The following XPO7 variants were observed in gnomAD, a reference collection of about 807,000 sequenced individuals.
XPO7 encodes the protein exportin-7.
A neutral mutation model predicts 144.3 loss-of-function variants in XPO7; 21 were observed. That is an observed-to-expected ratio of 0.15 (90% CI 0.10 to 0.21). The LOEUF is 0.21. XPO7 is among the 10% of genes least tolerant of loss of function. The probability of loss-of-function intolerance (pLI) is 1.00; values close to 1 mark genes in which losing one functional copy is unlikely to be tolerated. For synonymous variants in XPO7, 580 were observed against 499.6 expected (o/e 1.16, Z -2.15); for missense variants, 808 against 1,325.8 (o/e 0.61, Z 6.06).
At chr8:21,995,412 GC>G in intron 20 of XPO7, 79 bp from the exon 21 acceptor site, 1 of 1,213,380 alleles carries the variant, frequency 8.2e-7, no homozygotes, top group African/African-American at 1.5e-5. Context: ...ACAAGTTTTT[GC>G]TTGGCTAGTG....
intron 10 of XPO7, 90 bp from the exon 11 acceptor site, chr8:21,982,550 G>T: frequency 7.3e-7 from 1 of 1,361,490 alleles, no homozygotes. Context: ...TTAAAAAAAA[G>T]AAAAAAGTCT....
rs557734879 is a variant in XPO7, at chr8:21,991,497, G to A, written c.2042-371G>A. Among the ~76,000 whole-genome samples the A allele has an allele frequency of 6.6e-5, 10 of 152,266 alleles. No individual in the cohort carries two copies. In the East Asian group the frequency reaches 1.2e-3, roughly 18 times the overall value. On this transcript the variant is annotated intron_variant, in intron 18 of 27. Transcript: ENST00000252512. ...AAAATTAAGTGTGAATGAAACCTCC[G>A]TACCCATTAAAGTTTGAGTCTCATC...
At chr8:22,001,072 TG>T (rs1342876908) in intron 24 of XPO7, among the ~76,000 whole-genome samples, 2 of 152,028 alleles carry the variant, frequency 1.3e-5, no homozygotes, top group African/African-American at 4.8e-5. Flanking sequence ...CCCAGCACTT[TG>T]GGAGGCTGAG....
chr8:21,978,582 G>T (rs1359052496), intron 8 of XPO7, among the ~76,000 whole-genome samples: 4 of 152,156 alleles, frequency 2.6e-5, no homozygotes, highest in African/African-American at 7.2e-5. Flanking sequence ...TGCAAGAAAA[G>T]GTAGCACAGT....
intron 20 of XPO7, 102 bp downstream of exon 20, chr8:21,994,553 G>C: frequency 1.8e-6 from 2 of 1,101,560 alleles, no homozygotes; most frequent in South Asian, 2.7e-5. Context: ...AGGGTAGTGA[G>C]GCAGAGAAGA....
At chr8:21,998,657 A>G (rs914581894) in intron 21 of XPO7, 98 bp from the exon 22 acceptor site, 2 of 938,736 alleles carry the variant, frequency 2.1e-6, no homozygotes, top group African/African-American at 3.3e-5. Context: ...CTTAATGTAA[A>G]TGCAGGATCA....
chr8:21,986,687 C>T (rs1812590106), intron 13 of XPO7, among the ~76,000 whole-genome samples: 1 of 152,184 alleles, frequency 6.6e-6, no homozygotes, highest in South Asian at 2.1e-4. Context: ...TTAGTTCAAA[C>T]AATGTCTTGC....
chr8:21,981,582 T>G lies in XPO7; in HGVS notation c.958-149T>G, dbSNP rs2306643. ...TTTAAAAAATTGTTTCTGAACATTATGCAGACGTATCATTCTGAATCATGA... is the reference window on the plus strand; with the variant it reads ...TTTAAAAAATTGTTTCTGAACATTAGGCAGACGTATCATTCTGAATCATGA... On this transcript the variant is annotated intron_variant, in intron 9 of 27. Coordinates refer to ENST00000252512, the MANE Select transcript of XPO7 (RefSeq NM_015024.5). 132,246 of 912,948 alleles carry G rather than the reference T, an allele frequency of 0.14. 13,417 individuals carry two copies. Among genetic ancestry groups the G allele is most frequent in the African/African-American group, 0.45 (26,774 of 59,912 alleles). The allele number at this position is 912,948 out of a possible 1,614,324, so 56.6% of individuals were successfully genotyped here.
chr8:21,978,247 AATTTGCAT>A (rs1812290748), intron 8 of XPO7, among the ~76,000 whole-genome samples: 1 of 152,232 alleles, frequency 6.6e-6, no homozygotes, highest in African/African-American at 2.4e-5. Flanking sequence ...TGAGAAGGCT[AATTTGCAT>A]ACTTACCCTG....
chr8:21,944,022 C>G (rs998737722), intron 1 of XPO7, among the ~76,000 whole-genome samples: 1 of 151,926 alleles, frequency 6.6e-6, no homozygotes, highest in African/African-American at 2.4e-5. Flanking sequence ...CTCTGAATAC[C>G]CTCATATACA....
chr8:21,969,386 G>A (rs1423049849), intron 2 of XPO7, 97 bp from the exon 3 acceptor site: 5 of 1,032,170 alleles, frequency 4.8e-6, no homozygotes, highest in Non-Finnish European at 7.2e-6. Context: ...AAAACTGATT[G>A]CCTTTTCTTG....
At chr8:21,990,970 AT>A in intron 18 of XPO7, 51 bp downstream of exon 18, 1 of 1,545,460 alleles carries the variant, frequency 6.5e-7, no homozygotes, top group Non-Finnish European at 8.9e-7. Context: ...ACTCTTCTAA[AT>A]TTTTATTTGA....
At chr8:21,927,478 A>G (rs4872110) in intron 1 of XPO7, among the ~76,000 whole-genome samples, 88,828 of 150,592 alleles carry the variant, frequency 0.59, 26,844 homozygotes, top group African/African-American at 0.73. Context: ...GAGGTTCCCA[A>G]AGGCACATTT....
chr8:21,953,023 C>G (rs866447904), intron 1 of XPO7, among the ~76,000 whole-genome samples: 4 of 151,142 alleles, frequency 2.6e-5, no homozygotes, highest in Non-Finnish European at 4.4e-5. Context: ...CCCTCCCCCT[C>G]TCTCCCCACC....
intron 24 of XPO7, among the ~76,000 whole-genome samples, chr8:22,000,972 A>G (rs1813121395): frequency 6.6e-6 from 1 of 152,146 alleles, no homozygotes; most frequent in Non-Finnish European, 1.5e-5. Context: ...CGTATCTAGT[A>G]CAGTCCAATC....
chr8:21,982,141 A>C (rs1812427538), intron 10 of XPO7, among the ~76,000 whole-genome samples: 1 of 152,190 alleles, frequency 6.6e-6, no homozygotes. Flanking sequence ...CAAAAAAGCC[A>C]AGGTCGGAAC....
chr8:21,993,280 T>C lies in XPO7; in HGVS notation c.2149-1083T>C, dbSNP rs140954404. 3.0e-3 allele frequency among the ~76,000 whole-genome samples: 459 copies of C among 152,342 alleles called. 2 individuals carry two copies. The highest frequency in any genetic ancestry group is 0.01 in the African/African-American group (433 of 41,586). ...CAAAAGAACAACCTTGGTAATGGAC[T>C]ACAGCTGTCACCCACTTCTTTGTCA... On this transcript the variant is annotated intron_variant, in intron 19 of 27. Coordinates refer to ENST00000252512, the MANE Select transcript of XPO7 (RefSeq NM_015024.5).
intron 1 of XPO7, among the ~76,000 whole-genome samples, chr8:21,962,620 T>C (rs1309030973): frequency 6.6e-6 from 1 of 152,190 alleles, no homozygotes; most frequent in Non-Finnish European, 1.5e-5. Context: ...TATGTGGTTG[T>C]GGTCAAAATT....
Position 21,989,077 on chromosome 8 carries a change from C to G in XPO7, c.1862C>G (p.Ser621Cys). 6.2e-7 allele frequency: 1 copy of G among 1,613,422 alleles called. No homozygotes were observed. The change falls in exon 16 of 28, where the codon TCC becomes TGC. Residue 621 changes from serine (S) to cysteine (C), a missense_variant. This residue lies in a region of XPO7 where 416 missense variants were observed against 612.5 expected (regional missense o/e 0.68). Coordinates refer to ENST00000252512, the MANE Select transcript of XPO7 (RefSeq NM_015024.5). ...SKTLQLLNDL[S>C]IGYSSVRKLV... Reference sequence around the variant, plus strand: ...ACACTACAGCTTCTCAATGACCTGTCCATTGGATATCCTTTTCTAAGCTAA... The same window carrying G: ...ACACTACAGCTTCTCAATGACCTGTGCATTGGATATCCTTTTCTAAGCTAA...
Sources: gnomAD v4.1 joint callset for allele counts (sites outside exome capture counted in the v4.1 genomes callset) on GRCh38, gnomAD v4.1.1 for gene constraint, gnomAD v4.1.1 regional missense constraint, MANE v1.5 for transcripts, NCBI Gene and HGNC (gene_info 2026-07-23, HGNC 2026-07-21) for gene names.